Variants in PCDHGA1 observed in about 807,000 individuals in gnomAD.
PCDHGA1 encodes protocadherin gamma subfamily A, 1, also known as protocadherin gamma-A1.
PCDHGA1 carries 32 observed loss-of-function variants against 58.0 expected under a neutral mutation model. The ratio of observed to expected loss-of-function variants is 0.55; its 90% CI spans 0.42 to 0.74. The LOEUF (loss-of-function observed/expected upper bound fraction) is 0.74. PCDHGA1 is among the 30% of genes least tolerant of loss of function. The pLI, the probability that PCDHGA1 is intolerant of heterozygous loss-of-function variation, is 0.00. For missense variants in PCDHGA1, 1,205 were observed against 1,182.3 expected (o/e 1.02, Z -0.28); for synonymous variants, 498 against 501.1 (o/e 0.99, Z 0.08).
At position 141,490,597 on chromosome 5, in the gene PCDHGA1, C is replaced by G. The variant is rs781077720; in HGVS notation, c.2422-4210C>G. 1 of 1,614,182 alleles carries G rather than the reference C, an allele frequency of 6.2e-7. No homozygotes were observed. On this transcript the variant is annotated intron_variant, in intron 1 of 3. Transcript: ENST00000517417. This position sits in a 1 kb window ranked among gnomAD's most constrained non-coding sequence, Gnocchi z 5.4. ...TTCAGATGTCAATGACAATGCACCC[C>G]GCTTCAACCAGCAGCTTTACACTGC...
intron 1 of PCDHGA1, among the ~76,000 whole-genome samples, chr5:141,429,720 A>G (rs571388976): frequency 6.6e-6 from 1 of 152,340 alleles, no homozygotes; most frequent in South Asian, 2.1e-4. Context: ...TACGCTCATG[A>G]AAGTACGTAG....
chr5:141,376,210 C>T lies in PCDHGA1; in HGVS notation c.2421+43105C>T, dbSNP rs112869528. On this transcript the variant is annotated intron_variant, in intron 1 of 3. Transcript: ENST00000517417. ...CCTGCGTCTTCCTGGCCTTCGTCAT[C>T]GTGCTGCTGGCGCTCAGACTGCAGC... is the stretch of plus-strand genomic sequence containing the variant. 4,829 of 1,614,162 alleles carry T rather than the reference C, an allele frequency of 3.0e-3. 128 individuals carry two copies. The African/African-American group carries it at 0.055, about 18-fold the overall frequency.
intron 1 of PCDHGA1, chr5:141,393,684 T>C (rs1399508154): frequency 9.9e-6 from 16 of 1,613,904 alleles, no homozygotes; most frequent in Non-Finnish European, 1.3e-5. Flanking sequence ...ACAAACTCCG[T>C]TATTCCAGCT....
At chr5:141,425,756 A>G (rs1282506394) in intron 1 of PCDHGA1, among the ~76,000 whole-genome samples, 1 of 152,228 alleles carries the variant, frequency 6.6e-6, no homozygotes, top group Non-Finnish European at 1.5e-5. Flanking sequence ...TTTTTGTTCT[A>G]CAACAGGAGA....
chr5:141,422,587 CCTCA>C, intron 1 of PCDHGA1: 1 of 1,614,032 alleles, frequency 6.2e-7, no homozygotes, highest in Non-Finnish European at 8.5e-7. Context: ...TCCCGTTTTT[CCTCA>C]CTCCTCTTAC....
At chr5:141,356,392 T>C (rs1760208975) in intron 1 of PCDHGA1, 1 of 1,577,696 alleles carries the variant, frequency 6.3e-7, no homozygotes, top group Non-Finnish European at 8.6e-7. Context: ...TGAAAAGACC[T>C]ATGGAAATTA....
At chr5:141,422,696 ACT>A in intron 1 of PCDHGA1, 1 of 1,602,756 alleles carries the variant, frequency 6.2e-7, no homozygotes, top group Non-Finnish European at 8.5e-7. Flanking sequence ...CTGGTCACTT[ACT>A]CTCTGACGGA....
Position 141,362,245 on chromosome 5 carries a change from T to C in PCDHGA1, c.2421+29140T>C, listed in dbSNP as rs767098802. On this transcript the variant is annotated intron_variant, in intron 1 of 3. Coordinates refer to ENST00000517417, the MANE Select transcript of PCDHGA1 (RefSeq NM_018912.3). ...CTTGGCCTTGATCTCAGTGCTCTTC[T>C]TCCTCGCGGTGATTCTGGCAATCTC... 6.8e-6 allele frequency: 11 copies of C among 1,613,926 alleles called. No individual in the cohort carries two copies. The African/African-American group carries it at 1.2e-4, about 18-fold the overall frequency.
intron 1 of PCDHGA1, chr5:141,384,146 C>T (rs369384722): frequency 6.2e-7 from 1 of 1,613,048 alleles, no homozygotes; most frequent in African/African-American, 1.3e-5. Context: ...GAAACACTCT[C>T]TTTGTATAAC....
At chr5:141,506,923 C>T (rs1414595306) in intron 3 of PCDHGA1, among the ~76,000 whole-genome samples, 4 of 152,184 alleles carry the variant, frequency 2.6e-5, no homozygotes, top group African/African-American at 9.7e-5. Context: ...ACATACTAAA[C>T]AAACTTTAGG....
At chr5:141,399,760 C>T in intron 1 of PCDHGA1, 3 of 1,613,342 alleles carry the variant, frequency 1.9e-6, no homozygotes, top group Non-Finnish European at 2.5e-6. Flanking sequence ...CGTGAGCCTG[C>T]GCGTGTTGGT....
chr5:141,364,778 A>T, intron 1 of PCDHGA1: 2 of 1,614,006 alleles, frequency 1.2e-6, no homozygotes, highest in Non-Finnish European at 1.7e-6. Context: ...GGCTGCAGGG[A>T]CACGGTTAGT....
intron 1 of PCDHGA1, among the ~76,000 whole-genome samples, chr5:141,381,074 T>C (rs1776971630): frequency 6.6e-6 from 1 of 152,250 alleles, no homozygotes; most frequent in Non-Finnish European, 1.5e-5. Flanking sequence ...AACTATGGAT[T>C]ATTTTGATAG....
intron 1 of PCDHGA1, chr5:141,357,751 C>A: frequency 8.8e-7 from 1 of 1,131,678 alleles, no homozygotes; most frequent in Non-Finnish European, 1.2e-6. Context: ...TTAAAGAAAA[C>A]TGGTGGATGA....
At chr5:141,343,550 A>T (rs73265813) in intron 1 of PCDHGA1, among the ~76,000 whole-genome samples, 116 of 152,338 alleles carry the variant, frequency 7.6e-4, no homozygotes, top group African/African-American at 2.6e-3. Context: ...TAAACTGAAC[A>T]ATTCAAAAAA....
chr5:141,420,287 A>C, intron 1 of PCDHGA1: 1 of 1,498,884 alleles, frequency 6.7e-7, no homozygotes, highest in African/African-American at 1.4e-5. Context: ...AAGTATTTAA[A>C]AATGTATTTA....
At chr5:141,418,095 C>A (rs1246996867) in intron 1 of PCDHGA1, 1 of 1,614,006 alleles carries the variant, frequency 6.2e-7, no homozygotes, top group Middle Eastern at 1.7e-4. Context: ...AGCGTAGACG[C>A]GCAGAGCGGG....
In PCDHGA1 at chr5:141,477,556, T is replaced by C. The variant is rs2099412953; in HGVS notation, c.2422-17251T>C. On this transcript the variant is annotated intron_variant, in intron 1 of 3. Transcript: ENST00000517417. The surrounding 1 kb of genome is among the most constrained non-coding windows in gnomAD (Gnocchi z 4.9). The stretch of plus-strand genomic sequence containing the variant: ...CCGGGGCTCCAATACTAAACCTAAG[T>C]GTCTGGGACCCCGACGCCCCGCAGA... 6.2e-7 allele frequency: 1 copy of C among 1,614,164 alleles called. No homozygotes were observed. The highest frequency in any genetic ancestry group is 1.1e-5 in the South Asian group (1 of 91,086).
chr5:141,339,975 T>A lies in PCDHGA1; in HGVS notation c.2421+6870T>A, dbSNP rs367818285. On this transcript the variant is annotated intron_variant, in intron 1 of 3. Coordinates refer to ENST00000517417, the MANE Select transcript of PCDHGA1 (RefSeq NM_018912.3). The stretch of plus-strand genomic sequence containing the variant: ...CTTCTAACCAGAGCGAAGGTTATCG[T>A]CACGGTTCTGGATGTGAATGACAAT... 41 of 1,614,132 alleles carry A rather than the reference T, an allele frequency of 2.5e-5. No homozygotes were observed. The African/African-American group carries it at 4.9e-4, about 19-fold the overall frequency.
Sources: allele counts gnomAD v4.1 joint callset (sites outside exome capture counted in the v4.1 genomes callset), GRCh38; gene constraint gnomAD v4.1.1; non-coding constraint Gnocchi (gnomAD v3.1); transcripts MANE v1.5; gene names NCBI Gene and HGNC (gene_info 2026-07-23, HGNC 2026-07-21).